Variants in DUSP22 observed in about 807,000 individuals in gnomAD.
DUSP22 encodes dual specificity phosphatase 22, also known as dual specificity protein phosphatase 22.
A neutral mutation model predicts 24.5 loss-of-function variants in DUSP22; 24 were observed. That is an observed-to-expected ratio of 0.98 (90% CI 0.71 to 1.38). The LOEUF (loss-of-function observed/expected upper bound fraction) is 1.38. Ranked by LOEUF, DUSP22 falls within the 40% of genes most tolerant of loss-of-function variation. The pLI is 0.00. For missense variants in DUSP22, 330 were observed against 269.2 expected (o/e 1.23, Z -1.58); for synonymous variants, 160 against 106.4 (o/e 1.50, Z -3.10).
intron 3 of DUSP22, among the ~76,000 whole-genome samples, chr6:318,791 T>G (rs1758444275): frequency 6.6e-6 from 1 of 152,306 alleles, no homozygotes; most frequent in South Asian, 2.1e-4. Flanking sequence ...GGCAACAAAT[T>G]GGAGCCAACC....
At chr6:343,224 A>G (rs1283822421) in intron 4 of DUSP22, among the ~76,000 whole-genome samples, 1 of 152,306 alleles carries the variant, frequency 6.6e-6, no homozygotes. Context: ...GCTACCTGAT[A>G]TCAGCAACTA....
At chr6:304,787 C>T in intron 2 of DUSP22, 126 bp downstream of exon 2, 1 of 1,344,386 alleles carries the variant, frequency 7.4e-7, no homozygotes, top group Non-Finnish European at 1.1e-6. Flanking sequence ...CCATCACCAA[C>T]ATCCTTCTGC....
At chr6:313,098 T>C (rs367834300) in intron 3 of DUSP22, among the ~76,000 whole-genome samples, 1 of 152,290 alleles carries the variant, frequency 6.6e-6, no homozygotes, top group African/African-American at 2.4e-5. Flanking sequence ...TTTTTTAATC[T>C]GTCAACAATA....
intron 3 of DUSP22, among the ~76,000 whole-genome samples, chr6:324,493 T>C (rs1194084281): frequency 6.6e-6 from 1 of 152,312 alleles, no homozygotes; most frequent in Non-Finnish European, 1.5e-5. Flanking sequence ...CCTCCTGGTG[T>C]TGAGGAGAAA....
At chr6:347,517 T>C (rs1280175823) in intron 5 of DUSP22, among the ~76,000 whole-genome samples, 1 of 152,300 alleles carries the variant, frequency 6.6e-6, no homozygotes, top group East Asian at 1.9e-4. Flanking sequence ...CCCTAACCGT[T>C]ACTGCCTGCA....
chr6:332,291 C>T (rs796609936), intron 3 of DUSP22, among the ~76,000 whole-genome samples: 32 of 152,404 alleles, frequency 2.1e-4, no homozygotes, highest in African/African-American at 7.5e-4. Flanking sequence ...CCATTTTGTT[C>T]CTCTTCAGAG....
At chr6:327,785 A>C (rs1758952001) in intron 3 of DUSP22, among the ~76,000 whole-genome samples, 2 of 152,298 alleles carry the variant, frequency 1.3e-5, no homozygotes, top group South Asian at 4.1e-4. Context: ...TATTCCAGAG[A>C]GAGAAAACCA....
intron 3 of DUSP22, among the ~76,000 whole-genome samples, chr6:332,096 T>A (rs984664196): frequency 2.6e-5 from 4 of 152,298 alleles, no homozygotes; most frequent in Non-Finnish European, 4.4e-5. Flanking sequence ...ATTGTTCTCA[T>A]CCTCTGTCTC....
chr6:300,800 G>C (rs545493439), intron 1 of DUSP22, among the ~76,000 whole-genome samples: 3 of 152,306 alleles, frequency 2.0e-5, no homozygotes, highest in Admixed American at 6.5e-5. Flanking sequence ...GTCCTTGGCT[G>C]TAAGCAACAG....
At chr6:345,224 C>CTTTTT (rs4061670) in intron 4 of DUSP22, among the ~76,000 whole-genome samples, 2 of 146,032 alleles carry the variant, frequency 1.4e-5, no homozygotes. Context: ...TGGTTTCTTT[C>CTTTTT]TTTTTTTTTT....
chr6:311,292 G>T (rs1200838747), intron 2 of DUSP22, among the ~76,000 whole-genome samples: 2 of 152,294 alleles, frequency 1.3e-5, no homozygotes. Context: ...TATTACAGAG[G>T]CCTTTCTGCA....
At chr6:307,498 C>A (rs1292108101) in intron 2 of DUSP22, among the ~76,000 whole-genome samples, 1 of 152,310 alleles carries the variant, frequency 6.6e-6, no homozygotes, top group African/African-American at 2.4e-5. Context: ...AGCTCTGGAG[C>A]CCGGTCTTTG....
At chr6:304,020 C>A (rs1214183722) in intron 1 of DUSP22, among the ~76,000 whole-genome samples, 1 of 152,420 alleles carries the variant, frequency 6.6e-6, no homozygotes, top group South Asian at 2.1e-4. Flanking sequence ...ATTTAACAAC[C>A]CATTGTTGAC....
intron 2 of DUSP22, among the ~76,000 whole-genome samples, chr6:305,564 G>A (rs528197472): frequency 7.4e-3 from 1,126 of 151,920 alleles, no homozygotes; most frequent in African/African-American, 0.026. Flanking sequence ...CACTTGTTCC[G>A]TACTGATTGA....
intron 4 of DUSP22, among the ~76,000 whole-genome samples, chr6:345,159 T>G (rs1174955637): frequency 6.6e-6 from 1 of 152,294 alleles, no homozygotes; most frequent in Non-Finnish European, 1.5e-5. Context: ...TATGACCAGG[T>G]TTTGATGGTA....
intron 1 of DUSP22, among the ~76,000 whole-genome samples, chr6:293,797 C>CTTTTTTT (rs11436850): frequency 3.2e-5 from 4 of 123,690 alleles, no homozygotes; most frequent in African/African-American, 9.1e-5. Flanking sequence ...ATTGTATTCA[C>CTTTTTTT]TTTTTTTTTT....
intron 5 of DUSP22, 65 bp from the exon 6 acceptor site, chr6:348,038 G>A: frequency 6.3e-7 from 1 of 1,598,886 alleles, no homozygotes; most frequent in Non-Finnish European, 8.5e-7. Flanking sequence ...CGCTCCACAT[G>A]GATTGGGCGA....
intron 3 of DUSP22, among the ~76,000 whole-genome samples, chr6:330,884 G>T (rs1377861197): frequency 6.6e-6 from 1 of 152,298 alleles, no homozygotes; most frequent in African/African-American, 2.4e-5. Context: ...TTTTATACCG[G>T]TTGTTCTATA....
intron 1 of DUSP22, among the ~76,000 whole-genome samples, chr6:300,681 C>T (rs1484951193): frequency 3.3e-5 from 5 of 152,302 alleles, no homozygotes; most frequent in African/African-American, 9.6e-5. Context: ...GGGTAGGTCT[C>T]GGTACTAGAG....
Sources: gnomAD v4.1 joint callset for allele counts (sites outside exome capture counted in the v4.1 genomes callset) on GRCh38, gnomAD v4.1.1 for gene constraint, MANE v1.5 for transcripts, NCBI Gene and HGNC (gene_info 2026-07-23, HGNC 2026-07-21) for gene names.